The following SCN8A variants were observed in gnomAD, a reference collection of about 807,000 sequenced individuals.
The protein encoded by SCN8A is sodium channel protein type 8 subunit alpha.
Under a neutral mutation model 184.1 loss-of-function variants are expected in SCN8A, and 30 were observed. That is an observed-to-expected ratio of 0.16 (90% confidence interval 0.12 to 0.22). SCN8A has a LOEUF of 0.22. SCN8A is among the 10% of genes least tolerant of loss of function. The pLI is 1.00. For synonymous variants in SCN8A, 852 were observed against 907.0 expected, an observed-to-expected ratio of 0.94 and a Z score of 1.09; for missense variants, 1,057 against 2,498.9, an observed-to-expected ratio of 0.42 and a Z score of 12.30.
intron 12 of SCN8A, among the ~76,000 whole-genome samples, chr12:51,727,415 AAACC>A (rs987765016): frequency 1.3e-5 from 2 of 152,130 alleles, no homozygotes; most frequent in Admixed American, 6.5e-5. Context: ...TTGCAAAAAA[AAACC>A]AAAAAACACT....
rs149655968 is a variant in SCN8A, at chr12:51,733,791, G to A, written c.1998+11883G>A. 4.6e-5 allele frequency among the ~76,000 whole-genome samples: 7 copies of A among 152,170 alleles called. No individual in the cohort carries two copies. In the East Asian group the frequency reaches 1.3e-3, roughly 29 times the overall value. On this transcript the variant is annotated intron_variant, in intron 12 of 26. Transcript: ENST00000627620. Reference sequence around the variant, plus strand: ...AGGTTTTGGATTTCTTCATGGTTCAGTTTTGGTAGGTTGAATGTGTCTAGG... The same window carrying A: ...AGGTTTTGGATTTCTTCATGGTTCAATTTTGGTAGGTTGAATGTGTCTAGG...
At chr12:51,645,211 T>C in intron 1 of SCN8A, among the ~76,000 whole-genome samples, 1 of 141,860 alleles carries the variant, frequency 7.0e-6, no homozygotes, top group Non-Finnish European at 1.5e-5. Context: ...GGTGGGGGGG[T>C]CAGCCCCCCG....
rs1941787499 is a variant in SCN8A at position 51,706,548 on chromosome 12, GA to G, written c.1471del (p.Arg491AspfsTer34). ...TAAACTCAGCTCAAAGAGTGCAAAG[GA>G]AAGACGTAACAGGAGAAAGAAGAGG... ...ISKLSSKSAK[E>X]RRNRRKKRKQ... On this transcript the variant is annotated frameshift_variant, in exon 11 of 27. Transcript: ENST00000627620. LOFTEE classifies it high-confidence loss of function. The G allele has an allele frequency of 6.2e-7, 1 of 1,607,340 alleles. No homozygotes were observed. The highest frequency in any genetic ancestry group is 8.5e-7 in the Non-Finnish European group (1 of 1,176,832).
In SCN8A at chr12:51,763,205, C is replaced by T. The variant is rs1362223620; in HGVS notation, c.2544+529C>T. On this transcript the variant is annotated intron_variant, in intron 15 of 26. Coordinates refer to ENST00000627620, the MANE Select transcript of SCN8A (RefSeq NM_001330260.2). ...ATGATGGCTCAACTTATAATTTTTCCGCTTTACATTCTGCAAAAAAGCAGT... is the reference window on the plus strand; with the variant it reads ...ATGATGGCTCAACTTATAATTTTTCTGCTTTACATTCTGCAAAAAAGCAGT... Among the ~76,000 whole-genome samples the T allele has an allele frequency of 5.3e-5, 8 of 152,132 alleles. No homozygotes were observed. The East Asian group carries it at 9.6e-4, about 18-fold the overall frequency.
intron 12 of SCN8A, among the ~76,000 whole-genome samples, chr12:51,732,586 T>A (rs562941724): frequency 6.6e-6 from 1 of 152,308 alleles, no homozygotes; most frequent in African/African-American, 2.4e-5. Context: ...TTTTAGGATT[T>A]TTTTTCTGTT....
intron 1 of SCN8A, among the ~76,000 whole-genome samples, chr12:51,641,853 G>A (rs1940461535): frequency 6.6e-6 from 1 of 152,100 alleles, no homozygotes; most frequent in Non-Finnish European, 1.5e-5. Flanking sequence ...TTAAGGTACT[G>A]TAAAAACAAA....
At position 51,721,990 on chromosome 12, in the gene SCN8A, G is replaced by A. The variant is rs749734642; in HGVS notation, c.1998+82G>A. On this transcript the variant is annotated intron_variant, in intron 12 of 26. Coordinates refer to ENST00000627620, the MANE Select transcript of SCN8A (RefSeq NM_001330260.2). ...GAGGCTAGGCATGGCAGTCTCCCCC[G>A]CTCCTTCCCCTCCTCTTTCCCTGCT... 3 of 1,595,018 alleles carry A rather than the reference G, an allele frequency of 1.9e-6. No individual in the cohort carries two copies. In the South Asian group the frequency reaches 3.3e-5, roughly 18 times the overall value.
Position 51,799,481 on chromosome 12 carries a change from G to A in SCN8A, c.4795+4840G>A, listed in dbSNP as rs955675455. Among the ~76,000 whole-genome samples the A allele has an allele frequency of 5.9e-5, 9 of 152,212 alleles. 1 individual carries two copies. Among genetic ancestry groups the A allele is most frequent in the Admixed American group, 4.6e-4 (7 of 15,280 alleles). On this transcript the variant is annotated intron_variant, in intron 26 of 26. Transcript: ENST00000627620. ...AGGCGAGTAGTTATCTGCAGAAGATGGCAGGGCCTTGCTCCAAAATCCTAC... is the reference window on the plus strand; with the variant it reads ...AGGCGAGTAGTTATCTGCAGAAGATAGCAGGGCCTTGCTCCAAAATCCTAC...
intron 1 of SCN8A, among the ~76,000 whole-genome samples, chr12:51,594,389 A>T (rs1939298964): frequency 6.6e-6 from 1 of 152,224 alleles, no homozygotes; most frequent in Non-Finnish European, 1.5e-5. Context: ...TGTAGAGAAC[A>T]TACAAGAAAC....
chr12:51,624,601 A>C (rs1940036054), intron 1 of SCN8A, among the ~76,000 whole-genome samples: 1 of 151,844 alleles, frequency 6.6e-6, no homozygotes, highest in South Asian at 2.1e-4. Flanking sequence ...TGCTGTGCAG[A>C]AGCTCTTTAG....
intron 11 of SCN8A, chr12:51,713,155 T>A (rs1352773613): frequency 8.3e-7 from 1 of 1,211,360 alleles, no homozygotes; most frequent in Non-Finnish European, 1.2e-6. Context: ...GGTTTCAATC[T>A]TGCCATACTT....
rs756375303 is a variant in SCN8A, at chr12:51,806,631, A to G, written c.5145A>G (p.Leu1715=). The G allele has an allele frequency of 3.1e-6, 5 of 1,614,126 alleles. No homozygotes were observed. In the Admixed American group the frequency reaches 6.7e-5, roughly 22 times the overall value. Residue 1715 remains leucine (L), a synonymous_variant, in exon 27 of 27, where the codon CTA becomes CTG. Transcript: ENST00000627620. The surrounding 1 kb of genome is among the most constrained non-coding windows in gnomAD (Gnocchi z 8.7). ...GGGATGGCCTGCTGCTGCCCATCCT[A>G]AACCGCCCCCCTGACTGCAGCCTAG... ...AGWDGLLLPI[L]NRPPDCSLDK... is the part of the protein sequence containing the mutation.
At chr12:51,609,628 G>A (rs574670565) in intron 1 of SCN8A, among the ~76,000 whole-genome samples, 1 of 152,254 alleles carries the variant, frequency 6.6e-6, no homozygotes, top group Admixed American at 6.5e-5. Context: ...AGTGGCTCAC[G>A]CCTGTAATCC....
chr12:51,793,367 A>G (rs1238694469), intron 25 of SCN8A, among the ~76,000 whole-genome samples: 1 of 152,136 alleles, frequency 6.6e-6, no homozygotes, highest in Non-Finnish European at 1.5e-5. Flanking sequence ...AGGGGCAGGG[A>G]ACAGACTTGG....
chr12:51,728,769 G>T (rs1340044542), intron 12 of SCN8A, among the ~76,000 whole-genome samples: 2 of 149,870 alleles, frequency 1.3e-5, no homozygotes, highest in African/African-American at 4.9e-5. Context: ...AAATGGCCAG[G>T]ACTTGATTCA....
chr12:51,697,244 G>C (rs949606728), intron 6 of SCN8A, among the ~76,000 whole-genome samples: 1 of 152,024 alleles, frequency 6.6e-6, no homozygotes, highest in South Asian at 2.1e-4. Context: ...TCCATGGAAG[G>C]CTCACTCTAA....
At chr12:51,658,541 C>G (rs991117873) in intron 1 of SCN8A, among the ~76,000 whole-genome samples, 7 of 152,046 alleles carry the variant, frequency 4.6e-5, no homozygotes, top group African/African-American at 1.7e-4. Flanking sequence ...GAACACTATG[C>G]TAAGTGAAAG....
intron 1 of SCN8A, among the ~76,000 whole-genome samples, chr12:51,633,446 G>T (rs1350908219): frequency 6.6e-6 from 1 of 152,110 alleles, no homozygotes; most frequent in Non-Finnish European, 1.5e-5. Flanking sequence ...TTTTAAGTAA[G>T]AATCTTCATC....
intron 1 of SCN8A, among the ~76,000 whole-genome samples, chr12:51,618,199 A>T (rs899454480): frequency 6.6e-6 from 1 of 152,012 alleles, no homozygotes; most frequent in Non-Finnish European, 1.5e-5. Flanking sequence ...TGCTCTTGGG[A>T]TCCCAGCTTC....
Sources: allele counts gnomAD v4.1 joint callset (sites outside exome capture counted in the v4.1 genomes callset), GRCh38; gene constraint gnomAD v4.1.1; non-coding constraint Gnocchi (gnomAD v3.1); transcripts MANE v1.5; gene names NCBI Gene and HGNC (gene_info 2026-07-23, HGNC 2026-07-21).